Variants in HPSE observed in about 807,000 individuals in gnomAD.
The protein encoded by HPSE is endo-glucoronidase.
In HPSE, 48 loss-of-function variants were observed where a neutral mutation model predicts 65.1. The observed-to-expected ratio is 0.74, with a 90% CI of 0.58 to 0.94. HPSE has a LOEUF of 0.94. Among genes scored for constraint, HPSE ranks in the 40% least tolerant of loss-of-function variants. The pLI, the probability that HPSE is intolerant of heterozygous loss-of-function variation, is 0.00. For missense variants in HPSE, 644 were observed against 637.5 expected (o/e 1.01, Z -0.11); for synonymous variants, 243 against 260.0 (o/e 0.93, Z 0.63).
intron 3 of HPSE, among the ~76,000 whole-genome samples, chr4:83,316,685 T>C (rs1736657855): frequency 6.6e-6 from 1 of 152,180 alleles, no homozygotes; most frequent in Non-Finnish European, 1.5e-5. Flanking sequence ...AAGGGAGTCA[T>C]CCTTTCTGCA....
intron 3 of HPSE, among the ~76,000 whole-genome samples, chr4:83,317,753 A>T (rs1023299682): frequency 5.9e-5 from 9 of 152,142 alleles, no homozygotes; most frequent in Non-Finnish European, 1.3e-4. Context: ...CATGTGTTTT[A>T]AGAGCAAATC....
chr4:83,301,226 G>T (rs1184050190), intron 10 of HPSE, 120 bp from the exon 11 acceptor site: 3 of 584,478 alleles, frequency 5.1e-6, no homozygotes, highest in East Asian at 6.2e-5. Flanking sequence ...TGCATCCTAA[G>T]TATTAGGATC....
rs889239151 is a variant in HPSE at position 83,334,737 on chromosome 4, G to T, written c.46C>A (p.Leu16Met). 1.8e-5 allele frequency: 28 copies of T among 1,559,236 alleles called. No homozygotes were observed. The Admixed American group carries it at 3.8e-4, about 21-fold the overall frequency. The change falls in exon 1 of 12, where the codon CTG (leucine) becomes ATG (methionine). Residue 16 changes from leucine (L) to methionine (M), a missense_variant. Physicochemically the swap from Leu to Met is conservative, Grantham distance 15. Transcript: ENST00000311412. Reference protein sequence around the residue: ...KPALPPPLMLLLLGPLGPLSP... With the variant: ...KPALPPPLMLMLLGPLGPLSP... ...AGGGGACCCAGCGGCCCCAGGAGCA[G>T]CAGCATCAGCGGCGGCGGCAGCGCA...
chr4:83,303,854 T>C (rs939213909), intron 9 of HPSE, among the ~76,000 whole-genome samples: 2 of 152,166 alleles, frequency 1.3e-5, no homozygotes, highest in African/African-American at 4.8e-5. Context: ...ATAGATAAAG[T>C]AATATATCTG....
chr4:83,300,586 G>A (rs139966636), intron 11 of HPSE, among the ~76,000 whole-genome samples: 2,899 of 25,108 alleles, frequency 0.12, 832 homozygotes, highest in African/African-American at 0.18. Flanking sequence ...AGGACGAGGC[G>A]GGCAGATCAC....
rs367736860 is a variant in HPSE at position 83,323,100 on chromosome 4, A to G, written c.228-736T>C. On this transcript the variant is annotated intron_variant, in intron 1 of 11. Transcript: ENST00000311412. ...GAAAGACAGCTCTGTGTCTGTCTGAAAAATAGATCGTCCGAAACTATGGGA... is the reference window on the plus strand; with the variant it reads ...GAAAGACAGCTCTGTGTCTGTCTGAGAAATAGATCGTCCGAAACTATGGGA... 3.3e-5 allele frequency among the ~76,000 whole-genome samples: 5 copies of G among 152,246 alleles called. No individual in the cohort carries two copies. In the East Asian group the frequency reaches 9.6e-4, roughly 29 times the overall value.
intron 9 of HPSE, among the ~76,000 whole-genome samples, chr4:83,305,014 A>G (rs578077488): frequency 6.6e-6 from 1 of 152,324 alleles, no homozygotes; most frequent in South Asian, 2.1e-4. Flanking sequence ...GCCACCTCAC[A>G]GGACTGTCAT....
intron 3 of HPSE, among the ~76,000 whole-genome samples, chr4:83,316,634 G>T (rs1332496450): frequency 1.3e-5 from 2 of 152,188 alleles, no homozygotes; most frequent in Non-Finnish European, 2.9e-5. Flanking sequence ...AGGAGAAGAG[G>T]AAGTACAAAG....
chr4:83,334,189 C>G, intron 1 of HPSE, among the ~76,000 whole-genome samples: 1 of 152,096 alleles, frequency 6.6e-6, no homozygotes, highest in South Asian at 2.1e-4. Context: ...ACTGGAGACT[C>G]CAAAAGGTGG....
chr4:83,300,993 A>G lies in HPSE; in HGVS notation c.1439T>C (p.Leu480Pro), dbSNP rs139946992. The change falls in exon 11 of 12, where the codon CTA (leucine) becomes CCA (proline). Residue 480 changes from leucine (L) to proline (P), a missense_variant. Coordinates refer to ENST00000311412, the MANE Select transcript of HPSE (RefSeq NM_001098540.3). ...FSNKQVDKYL[L>P]RPLGPHGLLS... ...TAATCCATGAGGTCCCAAAGGTCTT[A>G]GAAGGTATTTATCCACTTGCTTGTT... 9 of 1,608,114 alleles carry G rather than the reference A, an allele frequency of 5.6e-6. No individual in the cohort carries two copies. Among genetic ancestry groups the G allele is most frequent in the Non-Finnish European group, 7.6e-6 (9 of 1,176,528 alleles).
intron 9 of HPSE, among the ~76,000 whole-genome samples, chr4:83,305,205 T>G (rs1736104854): frequency 6.6e-6 from 1 of 152,158 alleles, no homozygotes; most frequent in East Asian, 1.9e-4. Context: ...GTCTGGGCCC[T>G]GGGAAAATTT....
rs1735816309 is a variant in HPSE at position 83,298,604 on chromosome 4, G to T, written c.1472+2356C>A. ...CCCAGCACTTTGGGAGGCTGAGGAA[G>T]ATCACTTGAGCTTAGGAGTTTGAGA... On this transcript the variant is annotated intron_variant, in intron 11 of 11. Transcript: ENST00000311412. Among the ~76,000 whole-genome samples, 3 of 152,272 alleles carry T rather than the reference G, an allele frequency of 2.0e-5. No individual in the cohort carries two copies. The South Asian group carries it at 6.2e-4, about 32-fold the overall frequency.
At chr4:83,316,341 A>C (rs1736636197) in intron 3 of HPSE, among the ~76,000 whole-genome samples, 1 of 69,614 alleles carries the variant, frequency 1.4e-5, no homozygotes, top group Non-Finnish European at 3.6e-5. Context: ...CTACTTTAAA[A>C]AAAAAAAACA....
At chr4:83,312,677 CAAAAAA>C (rs148023447) in intron 4 of HPSE, among the ~76,000 whole-genome samples, 2 of 97,230 alleles carry the variant, frequency 2.1e-5, no homozygotes, top group Non-Finnish European at 2.0e-5. Context: ...GACTCCGTCT[CAAAAAA>C]AAAAAAAAAA....
chr4:83,319,120 T>TTTATC (rs1204733501), intron 3 of HPSE, among the ~76,000 whole-genome samples: 1 of 152,198 alleles, frequency 6.6e-6, no homozygotes, highest in African/African-American at 2.4e-5. Context: ...GAATGATTGA[T>TTTATC]TTATCTTTCA....
intron 2 of HPSE, among the ~76,000 whole-genome samples, chr4:83,320,028 TAA>T (rs58369674): frequency 0.25 from 26,431 of 107,376 alleles, 2,546 homozygotes; most frequent in African/African-American, 0.3. Context: ...AGACACTGTC[TAA>T]AAAAAAAAAA....
rs1736339083 is a variant in HPSE, at chr4:83,310,841, C to G, written c.723G>C (p.Gln241His). The change falls in exon 5 of 12, where the codon CAG (glutamine) becomes CAC (histidine). Residue 241 changes from glutamine to histidine, a missense_variant. Gln to His is a conservative substitution (Grantham distance 24, BLOSUM62 0). Transcript: ENST00000311412. ...GCAATTGAATAAAATCTTCTCCTAA[C>G]TGCGACCCATTGATGAAAATATCAG... ...KKADIFINGS[Q>H]LGEDFIQLHK... The G allele has an allele frequency of 1.2e-6, 2 of 1,613,816 alleles. No homozygotes were observed. The highest frequency in any genetic ancestry group is 1.7e-5 in the Admixed American group (1 of 59,994).
chr4:83,313,204 C>T lies in HPSE; in HGVS notation c.583G>A (p.Ala195Thr), dbSNP rs1040851392. Reference sequence around the variant, plus strand: ...TTAGAACTGTTCCACTGCAAATCTGCTGTTCTTAATAACGCATTTAGGCCA... The same window carrying T: ...TTAGAACTGTTCCACTGCAAATCTGTTGTTCTTAATAACGCATTTAGGCCA... ...IFGLNALLRT[A>T]DLQWNSSNAQ... Residue 195 changes from alanine (A) to threonine (T), a missense_variant, in exon 4 of 12, where the codon GCA becomes ACA. Coordinates refer to ENST00000311412, the MANE Select transcript of HPSE (RefSeq NM_001098540.3). The T allele has an allele frequency of 5.6e-6, 9 of 1,613,738 alleles. No homozygotes were observed. The highest frequency in any genetic ancestry group is 2.7e-5 in the African/African-American group (2 of 74,888).
intron 9 of HPSE, among the ~76,000 whole-genome samples, chr4:83,304,275 G>A (rs560416926): frequency 1.3e-5 from 2 of 152,326 alleles, no homozygotes; most frequent in East Asian, 1.9e-4. Context: ...TATCTTCAGT[G>A]ATTAACTCTT....
Sources: gnomAD v4.1 joint callset for allele counts (sites outside exome capture counted in the v4.1 genomes callset) on GRCh38, gnomAD v4.1.1 for gene constraint, MANE v1.5 for transcripts, NCBI Gene and HGNC (gene_info 2026-07-23, HGNC 2026-07-21) for gene names.